The following GPC5 variants were observed in gnomAD, a reference collection of about 807,000 sequenced individuals.
The protein encoded by GPC5 is glypican-5.
In GPC5, 47 loss-of-function variants were observed where a neutral mutation model predicts 53.9. That is an observed-to-expected ratio of 0.87 (90% confidence interval 0.69 to 1.11). The LOEUF (loss-of-function observed/expected upper bound fraction) is 1.11, where lower values mean the gene tolerates loss of function less well. Ranked by LOEUF, GPC5 falls within the 50% of genes most tolerant of loss-of-function variation. GPC5 has a pLI of 0.00. For synonymous variants in GPC5, 286 were observed against 263.3 expected, an observed-to-expected ratio of 1.09 and a Z score of -0.84; for missense variants, 748 against 713.1, an observed-to-expected ratio of 1.05 and a Z score of -0.56.
intron 5 of GPC5, among the ~76,000 whole-genome samples, chr13:91,801,253 T>TTGTGTGTGTGTGTGTGTGTG (rs71113762): frequency 6.8e-6 from 1 of 146,296 alleles, no homozygotes; most frequent in Non-Finnish European, 1.5e-5. Context: ...CATCCATACT[T>TTGTGTGTGTGTGTGTGTGTG]TGTGTGTGTG....
intron 7 of GPC5, among the ~76,000 whole-genome samples, chr13:92,784,186 A>G (rs143906943): frequency 1.2e-4 from 18 of 152,320 alleles, no homozygotes; most frequent in African/African-American, 3.8e-4. Flanking sequence ...GTGTCCTTCA[A>G]TTAAAGGAAA....
chr13:92,474,387 T>C (rs998018501), intron 7 of GPC5, among the ~76,000 whole-genome samples: 12 of 152,040 alleles, frequency 7.9e-5, no homozygotes, highest in South Asian at 6.2e-4. Context: ...GAAAACCAAG[T>C]AATTGTGTTA....
At chr13:92,725,337 A>G (rs1469128838) in intron 7 of GPC5, among the ~76,000 whole-genome samples, 1 of 151,488 alleles carries the variant, frequency 6.6e-6, no homozygotes, top group African/African-American at 2.4e-5. Context: ...TGTTCTCCTA[A>G]TCCTTTTCTA....
chr13:92,827,966 T>G (rs1310355472), intron 7 of GPC5, among the ~76,000 whole-genome samples: 1 of 152,110 alleles, frequency 6.6e-6, no homozygotes, highest in Non-Finnish European at 1.5e-5. Flanking sequence ...TTACCACACC[T>G]AAGGATTTCA....
At chr13:92,853,091 T>G (rs996771911) in intron 7 of GPC5, among the ~76,000 whole-genome samples, 2 of 152,096 alleles carry the variant, frequency 1.3e-5, no homozygotes, top group Non-Finnish European at 1.5e-5. Context: ...ACCACTTATG[T>G]TAAGTGTATA....
chr13:92,718,913 T>A (rs1473819001), intron 7 of GPC5, among the ~76,000 whole-genome samples: 4 of 144,210 alleles, frequency 2.8e-5, no homozygotes, highest in Non-Finnish European at 4.6e-5. Flanking sequence ...AAAAAAAAAA[T>A]TGTTAAAAAA....
chr13:92,461,682 A>C (rs1188009460), intron 7 of GPC5, among the ~76,000 whole-genome samples: 3 of 152,174 alleles, frequency 2.0e-5, no homozygotes, highest in African/African-American at 7.2e-5. Flanking sequence ...GAGACACTAG[A>C]GAGCTTGCCT....
chr13:92,535,782 A>C (rs935144430), intron 7 of GPC5, among the ~76,000 whole-genome samples: 1 of 152,118 alleles, frequency 6.6e-6, no homozygotes, highest in Non-Finnish European at 1.5e-5. Context: ...CATTCTAAGA[A>C]ACACCACATT....
intron 6 of GPC5, among the ~76,000 whole-genome samples, chr13:92,061,389 T>A (rs2041122515): frequency 6.6e-6 from 1 of 151,998 alleles, no homozygotes; most frequent in African/African-American, 2.4e-5. Flanking sequence ...AGAAATTGAG[T>A]TATAGAATTT....
At chr13:92,702,024 C>CTGTT (rs113322484) in intron 7 of GPC5, among the ~76,000 whole-genome samples, 11,707 of 152,050 alleles carry the variant, frequency 0.077, 549 homozygotes, top group South Asian at 0.16. Context: ...CTTTTCTCCC[C>CTGTT]TGTTATAGGA....
intron 6 of GPC5, among the ~76,000 whole-genome samples, chr13:92,125,658 T>G (rs1442446491): frequency 6.6e-6 from 1 of 151,922 alleles, no homozygotes; most frequent in African/African-American, 2.4e-5. Context: ...ATTGGTAGAG[T>G]TGTATTATTT....
chr13:91,716,794 G>T (rs1343136704), intron 3 of GPC5, among the ~76,000 whole-genome samples: 1 of 152,188 alleles, frequency 6.6e-6, no homozygotes, highest in Non-Finnish European at 1.5e-5. Context: ...AGGAAGGCAT[G>T]ATATTATATT....
At chr13:92,347,872 A>ATG in intron 7 of GPC5, among the ~76,000 whole-genome samples, 1 of 14,108 alleles carries the variant, frequency 7.1e-5, no homozygotes, top group Admixed American at 1.5e-3. Context: ...TATTATATAT[A>ATG]TAATATATAT....
intron 1 of GPC5, among the ~76,000 whole-genome samples, chr13:91,406,850 G>T (rs986838678): frequency 6.6e-6 from 1 of 152,058 alleles, no homozygotes; most frequent in South Asian, 2.1e-4. Flanking sequence ...TTGTACTACC[G>T]CCCTCTTGTG....
chr13:91,857,626 TAATA>T (rs2038980940), intron 5 of GPC5, among the ~76,000 whole-genome samples: 1 of 151,202 alleles, frequency 6.6e-6, no homozygotes, highest in Admixed American at 6.6e-5. Flanking sequence ...TCTTGCTTTT[TAATA>T]CTGGCTCAAA....
At chr13:91,435,163 A>G (rs953771928) in intron 1 of GPC5, among the ~76,000 whole-genome samples, 5 of 152,148 alleles carry the variant, frequency 3.3e-5, no homozygotes, top group Non-Finnish European at 5.9e-5. Flanking sequence ...TGTTTTCCTA[A>G]TTGAATACCC....
chr13:91,647,355 C>G (rs16946366), intron 2 of GPC5, among the ~76,000 whole-genome samples: 323 of 152,112 alleles, frequency 2.1e-3, no homozygotes, highest in African/African-American at 7.5e-3. Flanking sequence ...TGTTTCTTGT[C>G]GTTATTTAAA....
In GPC5 at chr13:92,499,464, T is replaced by C. The variant is rs537154751; in HGVS notation, c.1561+354475T>C. ...TTGGATAGATAGAATCAGTTGATTA[T>C]TATTGAAAATGTTTTCATAATGTGA... On this transcript the variant is annotated intron_variant, in intron 7 of 7. Coordinates refer to ENST00000377067, the MANE Select transcript of GPC5 (RefSeq NM_004466.6). 7.8e-4 allele frequency among the ~76,000 whole-genome samples: 119 copies of C among 152,300 alleles called. 1 individual carries two copies. Among genetic ancestry groups the C allele is most frequent in the Non-Finnish European group, 1.5e-3 (99 of 68,018 alleles).
At chr13:92,085,876 C>A (rs1389190735) in intron 6 of GPC5, among the ~76,000 whole-genome samples, 7 of 152,140 alleles carry the variant, frequency 4.6e-5, no homozygotes. Context: ...TAACAAGAGC[C>A]ATGAGGAGCA....
Sources: allele counts gnomAD v4.1 joint callset (sites outside exome capture counted in the v4.1 genomes callset), GRCh38; gene constraint gnomAD v4.1.1; transcripts MANE v1.5; gene names NCBI Gene and HGNC (gene_info 2026-07-23, HGNC 2026-07-21).